Variants in COL28A1 observed in about 807,000 individuals in gnomAD.
COL28A1 encodes the protein collagen alpha-1(XXVIII) chain.
In COL28A1, 161 loss-of-function variants were observed where a neutral mutation model predicts 150.2. That is an observed-to-expected ratio of 1.07 (90% CI 0.94 to 1.22). The LOEUF (loss-of-function observed/expected upper bound fraction) is 1.22, where lower values mean the gene tolerates loss of function less well. COL28A1 is among the 50% of genes most tolerant of loss of function. COL28A1 has a pLI of 0.00. For missense variants in COL28A1, 1,617 were observed against 1,388.3 expected, an observed-to-expected ratio of 1.16 and a Z score of -2.62; for synonymous variants, 552 against 469.7, an observed-to-expected ratio of 1.18 and a Z score of -2.26.
At chr7:7,372,656 G>A (rs1201748303) in intron 32 of COL28A1, among the ~76,000 whole-genome samples, 1 of 151,674 alleles carries the variant, frequency 6.6e-6, no homozygotes, top group Non-Finnish European at 1.5e-5. Flanking sequence ...TGGCTTGCTC[G>A]ATCCCTTATT....
At chr7:7,463,517 C>G (rs1787810380) in intron 15 of COL28A1, among the ~76,000 whole-genome samples, 1 of 152,132 alleles carries the variant, frequency 6.6e-6, no homozygotes, top group Non-Finnish European at 1.5e-5. Flanking sequence ...GTCCTATCAT[C>G]AGCCTCCTCA....
chr7:7,491,677 A>G (rs986980774), intron 11 of COL28A1, among the ~76,000 whole-genome samples: 2 of 152,190 alleles, frequency 1.3e-5, no homozygotes, highest in Non-Finnish European at 2.9e-5. Context: ...CAGGTGAGAA[A>G]CCCAAGTCCC....
intron 30 of COL28A1, among the ~76,000 whole-genome samples, chr7:7,377,864 G>C (rs1177422583): frequency 6.6e-6 from 1 of 151,494 alleles, no homozygotes; most frequent in East Asian, 1.9e-4. Flanking sequence ...TGGATGAGGA[G>C]GACAGGCCTG....
intron 11 of COL28A1, 31 bp downstream of exon 11, chr7:7,505,983 C>A: frequency 9.6e-7 from 1 of 1,043,434 alleles, no homozygotes. Context: ...GAAAGGCACT[C>A]TGCCTGTCTT....
At chr7:7,529,687 C>T (rs1782238198) in intron 3 of COL28A1, among the ~76,000 whole-genome samples, 1 of 152,320 alleles carries the variant, frequency 6.6e-6, no homozygotes, top group African/African-American at 2.4e-5. Flanking sequence ...AAACAAGGAG[C>T]TGCCTGTCCC....
At position 7,373,901 on chromosome 7, in the gene COL28A1, G is replaced by A. The variant is rs558698743; in HGVS notation, c.2360-355C>T. Among the ~76,000 whole-genome samples, 6 of 150,998 alleles carry A rather than the reference G, an allele frequency of 4.0e-5. No homozygotes were observed. Among genetic ancestry groups the A allele is most frequent in the South Asian group, 2.1e-4 (1 of 4,808 alleles). ...TTTTTAGTAGAGACAGGGTTTCACCGTGTTAGCCAAGATGGTCTCGATCTC... is the reference window on the plus strand; with the variant it reads ...TTTTTAGTAGAGACAGGGTTTCACCATGTTAGCCAAGATGGTCTCGATCTC... On this transcript the variant is annotated intron_variant, in intron 31 of 34. Coordinates refer to ENST00000399429, the MANE Select transcript of COL28A1 (RefSeq NM_001037763.3). This position sits in a 1 kb window ranked among gnomAD's most constrained non-coding sequence, Gnocchi z 4.1.
At position 7,373,272 on chromosome 7, in the gene COL28A1, G is replaced by C. The variant is rs1379465770; in HGVS notation, c.2634C>G (p.Ala878=). ...MQYLGEGTYT[A]TALQAANDMF... ...TGTCGTTGGCTGCTTGCAGAGCAGTGGCTGTGTATGTGCCTTCCCCCAGAT... is the reference window on the plus strand; with the variant it reads ...TGTCGTTGGCTGCTTGCAGAGCAGTCGCTGTGTATGTGCCTTCCCCCAGAT... Residue 878 remains alanine, a synonymous_variant, in exon 32 of 35, where the codon GCC becomes GCG. Transcript: ENST00000399429. This position sits in a 1 kb window ranked among gnomAD's most constrained non-coding sequence, Gnocchi z 4.1. 6.2e-7 allele frequency: 1 copy of C among 1,614,014 alleles called. No individual in the cohort carries two copies. The highest frequency in any genetic ancestry group is 1.3e-5 in the African/African-American group (1 of 74,882).
intron 27 of COL28A1, among the ~76,000 whole-genome samples, chr7:7,383,250 TTG>T (rs368714766): frequency 0.027 from 2,895 of 107,174 alleles, 45 homozygotes; most frequent in Middle Eastern, 0.054. Context: ...CTTTTTTTTG[TTG>T]TGTGTGTGTG....
chr7:7,396,594 A>G (rs1782849079), intron 27 of COL28A1, among the ~76,000 whole-genome samples: 1 of 152,172 alleles, frequency 6.6e-6, no homozygotes, highest in Non-Finnish European at 1.5e-5. Flanking sequence ...AAGACGGCCT[A>G]ATGCTTGTTC....
At chr7:7,515,532 C>G (rs1176965111) in intron 8 of COL28A1, among the ~76,000 whole-genome samples, 1 of 152,152 alleles carries the variant, frequency 6.6e-6, no homozygotes, top group African/African-American at 2.4e-5. Flanking sequence ...AGCCTGCATA[C>G]CTGTGCTGCA....
At position 7,370,851 on chromosome 7, in the gene COL28A1, A is replaced by G. The variant is rs1156549189; in HGVS notation, c.2940T>C (p.Ile980=). The G allele has an allele frequency of 5.0e-6, 8 of 1,612,258 alleles. No homozygotes were observed. The South Asian group carries it at 8.8e-5, about 18-fold the overall frequency. ...DTLKQKLFQK[I]CEDFDSYLVQ... is the part of the protein sequence containing the mutation. ...CGAGATAGGAATCAAAATCCTCACA[A>G]ATTTTTTGAAACAATTTTTGCTTCA... The change falls in exon 33 of 35, where the codon ATT becomes ATC. Residue 980 remains isoleucine (I), a synonymous_variant. Coordinates refer to ENST00000399429, the MANE Select transcript of COL28A1 (RefSeq NM_001037763.3).
chr7:7,442,761 G>A lies in COL28A1; in HGVS notation c.1650+824C>T, dbSNP rs184748693. On this transcript the variant is annotated intron_variant, in intron 20 of 34. Coordinates refer to ENST00000399429, the MANE Select transcript of COL28A1 (RefSeq NM_001037763.3). Reference sequence around the variant, plus strand: ...CACATAAAAATAGAAAGAAGCCCAGGCGCGGTGGCTCACACCCATAATCCC... The same window carrying A: ...CACATAAAAATAGAAAGAAGCCCAGACGCGGTGGCTCACACCCATAATCCC... Among the ~76,000 whole-genome samples the A allele has an allele frequency of 5.1e-4, 77 of 152,216 alleles. 1 individual carries two copies. In the East Asian group the frequency reaches 0.014, roughly 28 times the overall value.
At chr7:7,533,092 A>G (rs1449646727) in intron 1 of COL28A1, among the ~76,000 whole-genome samples, 180 bp from the exon 2 acceptor site, 3 of 152,184 alleles carry the variant, frequency 2.0e-5, no homozygotes, top group African/African-American at 7.2e-5. Flanking sequence ...AAATCATGGC[A>G]CCATGACCAA....
At chr7:7,396,617 T>A (rs1782850440) in intron 27 of COL28A1, among the ~76,000 whole-genome samples, 1 of 152,202 alleles carries the variant, frequency 6.6e-6, no homozygotes, top group Non-Finnish European at 1.5e-5. Flanking sequence ...TAAAGCACCC[T>A]ATTTGGTTGG....
chr7:7,443,413 G>A (rs1033415274), intron 20 of COL28A1, among the ~76,000 whole-genome samples, 172 bp downstream of exon 20: 2 of 152,132 alleles, frequency 1.3e-5, no homozygotes. Context: ...AAATAAAAGT[G>A]AATCATATAC....
chr7:7,523,004 A>G (rs530851361), intron 4 of COL28A1, among the ~76,000 whole-genome samples: 3 of 152,198 alleles, frequency 2.0e-5, no homozygotes, highest in Non-Finnish European at 2.9e-5. Flanking sequence ...TTTTGCTTAC[A>G]TATTCCCTTA....
chr7:7,453,345 C>A, intron 17 of COL28A1, 95 bp downstream of exon 17: 1 of 784,166 alleles, frequency 1.3e-6, no homozygotes. Context: ...TTTTTAAGTT[C>A]ATTCTACCTG....
Position 7,478,002 on chromosome 7 carries a change from C to T in COL28A1, c.1165-822G>A, listed in dbSNP as rs189262927. On this transcript the variant is annotated intron_variant, in intron 13 of 34. Transcript: ENST00000399429. ...GCTAGATTAGCTAGATACAGAGTGT[C>T]GATTGGTATATTTACAAACCCTGAG... 4.8e-4 allele frequency among the ~76,000 whole-genome samples: 73 copies of T among 152,080 alleles called. 1 individual carries two copies. Among genetic ancestry groups the T allele is most frequent in the African/African-American group, 1.6e-3 (66 of 41,466 alleles).
chr7:7,449,160 C>T (rs1786491723), intron 18 of COL28A1, among the ~76,000 whole-genome samples: 3 of 151,874 alleles, frequency 2.0e-5, no homozygotes, highest in Admixed American at 6.6e-5. Context: ...AAGCAAAAAT[C>T]CTGAATAAAA....
Sources: allele counts gnomAD v4.1 joint callset (sites outside exome capture counted in the v4.1 genomes callset), GRCh38; gene constraint gnomAD v4.1.1; non-coding constraint Gnocchi (gnomAD v3.1); transcripts MANE v1.5; gene names NCBI Gene and HGNC (gene_info 2026-07-23, HGNC 2026-07-21).